Variants in RSPRY1 observed in about 807,000 individuals in gnomAD.
RSPRY1 encodes the protein ring finger and SPRY domain containing 1.
A neutral mutation model predicts 73.1 loss-of-function variants in RSPRY1; 23 were observed. The ratio of observed to expected loss-of-function variants is 0.31; its 90% CI spans 0.23 to 0.45. The LOEUF (loss-of-function observed/expected upper bound fraction) is 0.45, where lower values mean the gene tolerates loss of function less well. Among genes scored for constraint, RSPRY1 ranks in the 20% least tolerant of loss-of-function variants. RSPRY1 has a pLI of 1.00. For missense variants in RSPRY1, 448 were observed against 698.7 expected, an observed-to-expected ratio of 0.64 and a Z score of 4.05; for synonymous variants, 226 against 251.4, an observed-to-expected ratio of 0.90 and a Z score of 0.95.
At position 57,216,244 on chromosome 16, in the gene RSPRY1, C is replaced by T; in HGVS notation, c.769+71C>T. The T allele has an allele frequency of 3.6e-6, 4 of 1,105,832 alleles. No homozygotes were observed. In the South Asian group the frequency reaches 3.8e-5, roughly 10 times the overall value. The allele number at this position is 1,105,832 out of a possible 1,614,324, so 68.5% of individuals were successfully genotyped here. On this transcript the variant is annotated intron_variant, in intron 7 of 14. Coordinates refer to ENST00000394420, the MANE Select transcript of RSPRY1 (RefSeq NM_133368.3). ...TTAAAAATTTTATTTTTCTTAGTTACTGGATAAGCCTACACTTTGAACCCC... is the reference window on the plus strand; with the variant it reads ...TTAAAAATTTTATTTTTCTTAGTTATTGGATAAGCCTACACTTTGAACCCC...
chr16:57,204,946 G>C lies in RSPRY1; in HGVS notation c.288G>C (p.Lys96Asn). 3 of 1,614,188 alleles carry C rather than the reference G, an allele frequency of 1.9e-6. No individual in the cohort carries two copies. Among genetic ancestry groups the C allele is most frequent in the Non-Finnish European group, 2.5e-6 (3 of 1,180,034 alleles). Residue 96 changes from lysine to asparagine, a missense_variant, in exon 2 of 15, where the codon AAG becomes AAC. Transcript: ENST00000394420. ...RGRGPHEPRRKKQNVDGLVLD... is the reference protein window; with the variant it reads ...RGRGPHEPRRNKQNVDGLVLD... ...GAGGACCTCATGAGCCAAGGAGAAAGAAACAAAATGTGGATGGGCTAGTGT... is the reference window on the plus strand; with the variant it reads ...GAGGACCTCATGAGCCAAGGAGAAACAAACAAAATGTGGATGGGCTAGTGT...
intron 2 of RSPRY1, chr16:57,207,663 T>C (rs1252364095): frequency 2.2e-6 from 1 of 459,416 alleles, no homozygotes; most frequent in East Asian, 6.8e-5. Context: ...GATTGTCGTC[T>C]CTCTTCCTGG....
At chr16:57,229,868 G>T (rs1310421957) in intron 11 of RSPRY1, among the ~76,000 whole-genome samples, 1 of 150,060 alleles carries the variant, frequency 6.7e-6, no homozygotes, top group Non-Finnish European at 1.5e-5. Flanking sequence ...ATTAACACCC[G>T]GGTAATTTTT....
At chr16:57,206,228 A>C (rs1197773614) in intron 2 of RSPRY1, among the ~76,000 whole-genome samples, 1 of 152,068 alleles carries the variant, frequency 6.6e-6, no homozygotes, top group Non-Finnish European at 1.5e-5. Context: ...ACATAGGGAG[A>C]TCCCATCTCT....
At chr16:57,206,775 G>T (rs1426853515) in intron 2 of RSPRY1, among the ~76,000 whole-genome samples, 1 of 152,146 alleles carries the variant, frequency 6.6e-6, no homozygotes, top group Non-Finnish European at 1.5e-5. Context: ...ATGTTGCCCA[G>T]GCTGGTCTCA....
At chr16:57,232,197 G>T (rs1381304322) in intron 13 of RSPRY1, among the ~76,000 whole-genome samples, 1 of 152,170 alleles carries the variant, frequency 6.6e-6, no homozygotes, top group East Asian at 1.9e-4. Context: ...GAAGATATCT[G>T]TAACGTAATC....
intron 13 of RSPRY1, among the ~76,000 whole-genome samples, chr16:57,231,941 G>A (rs2075228155): frequency 6.6e-6 from 1 of 152,182 alleles, no homozygotes; most frequent in African/African-American, 2.4e-5. Context: ...TTACTTCCTT[G>A]TGAGATGAAT....
rs755232444 is a variant in RSPRY1 at position 57,240,085 on chromosome 16, C to T, written c.*1110C>T. The T allele has an allele frequency of 5.3e-5, 8 of 152,092 alleles. No individual in the cohort carries two copies. Among genetic ancestry groups the T allele is most frequent in the Non-Finnish European group, 1.0e-4 (7 of 68,020 alleles). 9.4% of individuals were successfully genotyped at this position (152,092 alleles called of 1,614,324 possible). On this transcript the variant is annotated 3_prime_UTR_variant, in exon 15 of 15. Coordinates refer to ENST00000394420, the MANE Select transcript of RSPRY1 (RefSeq NM_133368.3). ...AAGGTAGAATTGTAAATTCATAGAACTTCTTTTATAATGGTGTACCTCAGC... is the reference window on the plus strand; with the variant it reads ...AAGGTAGAATTGTAAATTCATAGAATTTCTTTTATAATGGTGTACCTCAGC...
chr16:57,206,152 C>T (rs1453951766), intron 2 of RSPRY1, among the ~76,000 whole-genome samples: 4 of 152,056 alleles, frequency 2.6e-5, no homozygotes, highest in Non-Finnish European at 4.4e-5. Flanking sequence ...CCTGTAATTC[C>T]AACACTTTTG....
intron 1 of RSPRY1, among the ~76,000 whole-genome samples, chr16:57,201,784 C>T (rs1392281961): frequency 1.3e-5 from 2 of 152,230 alleles, no homozygotes; most frequent in Admixed American, 1.3e-4. Context: ...CAGCGAAACC[C>T]CGTCTCCACC....
Position 57,240,433 on chromosome 16 carries a change from T to C in RSPRY1, c.*1458T>C, listed in dbSNP as rs546102270. The C allele has an allele frequency of 9.2e-5, 14 of 152,168 alleles. No individual in the cohort carries two copies. Among genetic ancestry groups the C allele is most frequent in the African/African-American group, 3.4e-4 (14 of 41,526 alleles). The allele number at this position is 152,168 out of a possible 1,614,324, so 9.4% of individuals were successfully genotyped here. A position where few individuals can be genotyped will look rare whatever the true frequency, so the allele number is the denominator to read the frequency against. Reference sequence around the variant, plus strand: ...TTTAGCTTGTGGTGAATACAGTAATTTGCATTGAAGAATAAAACATCTGTT... The same window carrying C: ...TTTAGCTTGTGGTGAATACAGTAATCTGCATTGAAGAATAAAACATCTGTT... On this transcript the variant is annotated 3_prime_UTR_variant, in exon 15 of 15. Coordinates refer to ENST00000394420, the MANE Select transcript of RSPRY1 (RefSeq NM_133368.3).
chr16:57,204,744 A>C lies in RSPRY1; in HGVS notation c.86A>C (p.His29Pro). 6.2e-7 allele frequency: 1 copy of C among 1,614,236 alleles called. No individual in the cohort carries two copies. The highest frequency in any genetic ancestry group is 2.2e-5 in the East Asian group (1 of 44,894). The change falls in exon 2 of 15, where the codon CAC becomes CCC. Residue 29 changes from histidine to proline, a missense_variant. His to Pro is a moderately conservative substitution (Grantham distance 77, BLOSUM62 -2). Transcript: ENST00000394420. ...TTGACTCTCGAAGAGCACATAGCCC[A>C]CTTCCTAGGGACTGGAGGTGCCGCT... ...LLLTLEEHIAHFLGTGGAATT... is the reference protein window; with the variant it reads ...LLLTLEEHIAPFLGTGGAATT...
intron 11 of RSPRY1, among the ~76,000 whole-genome samples, chr16:57,229,354 C>A (rs1434211234): frequency 6.6e-6 from 1 of 152,174 alleles, no homozygotes; most frequent in Admixed American, 6.5e-5. Flanking sequence ...TTAATCCCAG[C>A]ACTTTTGGAG....
chr16:57,239,121 T>C lies in RSPRY1; in HGVS notation c.*146T>C. The C allele has an allele frequency of 2.5e-6, 1 of 403,402 alleles. No individual in the cohort carries two copies. The highest frequency in any genetic ancestry group is 4.4e-6 in the Non-Finnish European group (1 of 228,454). The allele number at this position is 403,402 out of a possible 1,614,324, so 25.0% of individuals were successfully genotyped here. ...ATTTTATGCTAAAAATGGTAGTTTG[T>C]CAAAGACAAAATTCTCTTAGAATCT... On this transcript the variant is annotated 3_prime_UTR_variant, in exon 15 of 15. Coordinates refer to ENST00000394420, the MANE Select transcript of RSPRY1 (RefSeq NM_133368.3).
At chr16:57,200,997 G>A (rs1159840561) in intron 1 of RSPRY1, among the ~76,000 whole-genome samples, 1 of 142,132 alleles carries the variant, frequency 7.0e-6, no homozygotes, top group African/African-American at 2.6e-5. Context: ...CGGGCGGCTG[G>A]CCGGGCGGGG....
intron 13 of RSPRY1, among the ~76,000 whole-genome samples, chr16:57,232,100 T>C (rs2075231107): frequency 6.6e-6 from 1 of 152,218 alleles, no homozygotes; most frequent in Non-Finnish European, 1.5e-5. Flanking sequence ...TAATACCACA[T>C]ATCTTATATC....
At chr16:57,230,851 C>T (rs370021384) in intron 12 of RSPRY1, 38 bp downstream of exon 12, 6 of 1,144,584 alleles carry the variant, frequency 5.2e-6, no homozygotes, top group East Asian at 2.3e-5. Flanking sequence ...CGAGTAGATG[C>T]ACGGAATGCC....
intron 1 of RSPRY1, among the ~76,000 whole-genome samples, chr16:57,203,352 C>T (rs1056071873): frequency 6.6e-6 from 1 of 152,060 alleles, no homozygotes; most frequent in Non-Finnish European, 1.5e-5. Context: ...CTTCTAATTC[C>T]ACTGAATTAT....
At chr16:57,186,204 T>G (rs1387560018), upstream of RSPRY1, 2 of 980,706 alleles carry the variant, frequency 2.0e-6, no homozygotes, top group African/African-American at 3.5e-5. Flanking sequence ...GGCGGGCCGG[T>G]CCCGCTGATC....
Sources: allele counts gnomAD v4.1 joint callset (sites outside exome capture counted in the v4.1 genomes callset), GRCh38; gene constraint gnomAD v4.1.1; transcripts MANE v1.5; gene names NCBI Gene and HGNC (gene_info 2026-07-23, HGNC 2026-07-21).